Variants in OIT3 observed in about 807,000 individuals in gnomAD.
The protein encoded by OIT3 is oncoprotein-induced transcript 3 protein.
OIT3 carries 41 observed loss-of-function variants against 52.2 expected under a neutral mutation model. The observed-to-expected ratio is 0.79, with a 90% CI of 0.61 to 1.02. The LOEUF (loss-of-function observed/expected upper bound fraction) is 1.02, where lower values mean the gene tolerates loss of function less well. Among genes scored for constraint, OIT3 ranks in the 50% least tolerant of loss-of-function variants. The pLI is 0.00. For missense variants in OIT3, 634 were observed against 715.5 expected (o/e 0.89, Z 1.30); for synonymous variants, 244 against 276.9 (o/e 0.88, Z 1.18).
At chr10:72,895,773 G>T (rs920563156) in intron 1 of OIT3, among the ~76,000 whole-genome samples, 3 of 152,198 alleles carry the variant, frequency 2.0e-5, no homozygotes, top group African/African-American at 7.2e-5. Context: ...GGGGCAGCTG[G>T]CAAGTGGGCA....
chr10:72,921,676 T>G (rs1218411977), intron 6 of OIT3, among the ~76,000 whole-genome samples: 2 of 135,726 alleles, frequency 1.5e-5, no homozygotes. Flanking sequence ...TCTTTCTTTC[T>G]TTTTTTTTTT....
chr10:72,894,616 C>T (rs1845857217), intron 1 of OIT3, among the ~76,000 whole-genome samples: 1 of 152,148 alleles, frequency 6.6e-6, no homozygotes, highest in Admixed American at 6.5e-5. Flanking sequence ...CGGTGGCTCA[C>T]ACTTGTAATG....
rs1845981783 is a variant in OIT3, at chr10:72,906,644, T to C, written c.593T>C (p.Val198Ala). The C allele has an allele frequency of 1.2e-6, 2 of 1,613,536 alleles. No individual in the cohort carries two copies. The highest frequency in any genetic ancestry group is 1.7e-6 in the Non-Finnish European group (2 of 1,179,750). The change falls in exon 4 of 9, where the codon GTG (valine) becomes GCG (alanine). Residue 198 changes from valine (V) to alanine (A), a missense_variant. By Grantham distance (64) the Val-to-Ala change is moderately conservative (BLOSUM62 0). Coordinates refer to ENST00000334011, the MANE Select transcript of OIT3 (RefSeq NM_152635.3). ...AACGGTGGCTGCAGTGAGATCTGTG[T>C]GAACCTCAAAAACTCCTACCGCTGT... is the stretch of plus-strand genomic sequence containing the variant. ...QNNGGCSEIC[V>A]NLKNSYRCEC...
chr10:72,894,327 C>T (rs1168997220), intron 1 of OIT3, among the ~76,000 whole-genome samples: 2 of 152,132 alleles, frequency 1.3e-5, no homozygotes, highest in African/African-American at 4.8e-5. Context: ...TTGCACAGAT[C>T]GAGTGAATCT....
chr10:72,922,861 G>A (rs1242539788), intron 6 of OIT3, among the ~76,000 whole-genome samples: 1 of 151,922 alleles, frequency 6.6e-6, no homozygotes, highest in African/African-American at 2.4e-5. Context: ...TTTGGATGGG[G>A]TTTTGGGGGT....
chr10:72,924,177 T>G, intron 6 of OIT3, 52 bp from the exon 7 acceptor site: 1 of 1,475,666 alleles, frequency 6.8e-7, no homozygotes, highest in East Asian at 2.3e-5. Flanking sequence ...GAAAAAAAAC[T>G]GTAGAAACAA....
chr10:72,909,266 G>C (rs1229933763), intron 4 of OIT3, among the ~76,000 whole-genome samples: 1 of 151,650 alleles, frequency 6.6e-6, no homozygotes, highest in Non-Finnish European at 1.5e-5. Flanking sequence ...GACTACAGGC[G>C]TGCACCACCA....
chr10:72,919,594 T>C (rs1228936841), intron 6 of OIT3, among the ~76,000 whole-genome samples: 1 of 152,218 alleles, frequency 6.6e-6, no homozygotes, highest in Non-Finnish European at 1.5e-5. Context: ...TTGTCATATA[T>C]GGCTCTTATT....
chr10:72,913,186 C>G (rs1846044523), intron 5 of OIT3, 122 bp from the exon 6 acceptor site: 1 of 682,354 alleles, frequency 1.5e-6, no homozygotes, highest in Admixed American at 2.5e-5. Flanking sequence ...TTTTCAGCCC[C>G]TCTGATTTCC....
chr10:72,896,392 T>G (rs1027729386), intron 1 of OIT3, among the ~76,000 whole-genome samples: 1 of 152,336 alleles, frequency 6.6e-6, no homozygotes, highest in African/African-American at 2.4e-5. Flanking sequence ...TCCCTTTTGA[T>G]GGGAGAAAGA....
chr10:72,909,222 G>A (rs1421052512), intron 4 of OIT3, among the ~76,000 whole-genome samples: 1 of 151,134 alleles, frequency 6.6e-6, no homozygotes, highest in Non-Finnish European at 1.5e-5. Context: ...CTGGGCTAAG[G>A]TGATCCTCCC....
At chr10:72,903,643 T>C (rs1845952203) in intron 3 of OIT3, among the ~76,000 whole-genome samples, 1 of 152,236 alleles carries the variant, frequency 6.6e-6, no homozygotes, top group Admixed American at 6.5e-5. Context: ...TAACATGTGT[T>C]CTTCTCATCC....
intron 1 of OIT3, among the ~76,000 whole-genome samples, chr10:72,898,120 CAAA>C (rs59034984): frequency 7.5e-6 from 1 of 132,574 alleles, no homozygotes. Flanking sequence ...CTATCTCTAC[CAAA>C]AAAAAAAAAA....
intron 1 of OIT3, 77 bp from the exon 2 acceptor site, chr10:72,898,587 C>T: frequency 7.3e-7 from 1 of 1,377,774 alleles, no homozygotes. Flanking sequence ...AATGCAAGAC[C>T]AAGAAGTTGG....
intron 4 of OIT3, among the ~76,000 whole-genome samples, chr10:72,910,053 G>A (rs901994716): frequency 1.3e-5 from 2 of 152,054 alleles, no homozygotes; most frequent in African/African-American, 2.4e-5. Flanking sequence ...AAACATTTTG[G>A]TATATCTTCC....
intron 6 of OIT3, chr10:72,917,969 C>CTCATTATCTTCATCATTATCA: frequency 1.2e-6 from 1 of 847,534 alleles, no homozygotes. Flanking sequence ...CTTCAGCTTC[C>CTCATTATCTTCATCATTATCA]TCATTATCTT....
At chr10:72,924,004 C>G (rs1846144167) in intron 6 of OIT3, among the ~76,000 whole-genome samples, 1 of 152,058 alleles carries the variant, frequency 6.6e-6, no homozygotes, top group African/African-American at 2.4e-5. Context: ...CTTAAAGAAG[C>G]AGTCTGGCTG....
Position 72,924,321 on chromosome 10 carries a change from CA to C in OIT3, c.1046del (p.Lys349SerfsTer3). The C allele has an allele frequency of 6.2e-7, 1 of 1,614,170 alleles. No homozygotes were observed. Among genetic ancestry groups the C allele is most frequent in the Non-Finnish European group, 8.5e-7 (1 of 1,180,018 alleles). On this transcript the variant is annotated frameshift_variant, in exon 7 of 9. Transcript: ENST00000334011. LOFTEE classifies it high-confidence loss of function. ...GCGGGGACTTCATCATCCGAACCAG[CA>C]AGCTGCTGATCCCGGTGACCTGCGA... ...SSGDFIIRTSKLLIPVTCEFP... is the reference protein window; with the variant it reads ...SSGDFIIRTSXLLIPVTCEFP...
intron 3 of OIT3, among the ~76,000 whole-genome samples, chr10:72,905,391 A>C (rs1249678757): frequency 6.6e-6 from 1 of 152,070 alleles, no homozygotes; most frequent in Non-Finnish European, 1.5e-5. Context: ...GTATCGCTTG[A>C]ACCTGGGAGG....
Sources: gnomAD v4.1 joint callset for allele counts (sites outside exome capture counted in the v4.1 genomes callset) on GRCh38, gnomAD v4.1.1 for gene constraint, MANE v1.5 for transcripts, NCBI Gene and HGNC (gene_info 2026-07-23, HGNC 2026-07-21) for gene names.